The following FSTL4 variants were observed in gnomAD, a reference collection of about 807,000 sequenced individuals.
The protein encoded by FSTL4 is follistatin-related protein 4.
Under a neutral mutation model 78.2 loss-of-function variants are expected in FSTL4, and 28 were observed. The ratio of observed to expected loss-of-function variants is 0.36; its 90% CI spans 0.27 to 0.49. The LOEUF (loss-of-function observed/expected upper bound fraction) is 0.49, where lower values mean the gene tolerates loss of function less well. Ranked by LOEUF, FSTL4 falls within the 20% of genes least tolerant of loss-of-function variation. FSTL4 has a pLI of 0.98. For synonymous variants in FSTL4, 422 were observed against 440.5 expected (o/e 0.96, Z 0.53); for missense variants, 922 against 1,084.9 (o/e 0.85, Z 2.11).
At chr5:133,691,304 CT>C in the FSTL4 span, among the ~76,000 whole-genome samples, 2 of 152,322 alleles carry the variant, frequency 1.3e-5, no homozygotes, top group African/African-American at 4.8e-5. Flanking sequence ...GCCATATACT[CT>C]GTTGCAGCCT....
chr5:133,723,671 T>C, the FSTL4 span, among the ~76,000 whole-genome samples: 1 of 152,216 alleles, frequency 6.6e-6, no homozygotes. Context: ...GCCAAGGCTC[T>C]GATTCCCTGA....
chr5:133,623,266 A>C, the FSTL4 span, among the ~76,000 whole-genome samples: 3 of 152,120 alleles, frequency 2.0e-5, no homozygotes, highest in Admixed American at 2.0e-4. Flanking sequence ...CTTACTACAA[A>C]GCTGCAGAAA....
At chr5:133,243,238 A>AG (rs1357391026) in intron 7 of FSTL4, among the ~76,000 whole-genome samples, 1 of 152,180 alleles carries the variant, frequency 6.6e-6, no homozygotes, top group African/African-American at 2.4e-5. Flanking sequence ...GATTCAGTGA[A>AG]AAAAAAACCC....
the FSTL4 span, among the ~76,000 whole-genome samples, chr5:133,795,263 C>A: frequency 1.3e-5 from 2 of 152,160 alleles, no homozygotes; most frequent in Non-Finnish European, 1.5e-5. Context: ...AAACTCAGGC[C>A]GGCAAGGGGA....
chr5:133,414,002 C>T (rs2126981922), intron 3 of FSTL4, among the ~76,000 whole-genome samples: 1 of 152,192 alleles, frequency 6.6e-6, no homozygotes, highest in African/African-American at 2.4e-5. Context: ...TTGGTTCTTA[C>T]ATGGCATTCT....
rs571863140 is a variant in FSTL4, at chr5:133,440,638, G to A, written c.161-39652C>T. Among the ~76,000 whole-genome samples, 1 of 152,318 alleles carries A rather than the reference G, an allele frequency of 6.6e-6. No homozygotes were observed. The highest frequency in any genetic ancestry group is 1.5e-5 in the Non-Finnish European group (1 of 68,014). ...CACCTCCCTGGAGGCACAGGGTAGTGGCCTGAGTCATTCCACTGGCAGAAC... is the reference window on the plus strand; with the variant it reads ...CACCTCCCTGGAGGCACAGGGTAGTAGCCTGAGTCATTCCACTGGCAGAAC... On this transcript the variant is annotated intron_variant, in intron 3 of 15. Coordinates refer to ENST00000265342, the MANE Select transcript of FSTL4 (RefSeq NM_015082.2). This position sits in a 1 kb window ranked among gnomAD's most constrained non-coding sequence, Gnocchi z 4.1.
intron 3 of FSTL4, among the ~76,000 whole-genome samples, chr5:133,430,309 C>A (rs944096666): frequency 2.0e-5 from 3 of 152,168 alleles, no homozygotes; most frequent in Non-Finnish European, 2.9e-5. Context: ...TTGAGTGGCC[C>A]TGTGGGGTAG....
the FSTL4 span, among the ~76,000 whole-genome samples, chr5:133,810,605 A>T: frequency 1.3e-5 from 2 of 152,188 alleles, no homozygotes; most frequent in Non-Finnish European, 2.9e-5. Context: ...CCCAAGTGGG[A>T]ATTCTGGCCC....
chr5:133,221,913 T>TTTTTGTTG lies in FSTL4; in HGVS notation c.1340-1048_1340-1047insCAACAAAA, dbSNP rs1554097226. Among the ~76,000 whole-genome samples, 63 of 97,838 alleles carry TTTTTGTTG rather than the reference T, an allele frequency of 6.4e-4. 1 individual carries two copies. The highest frequency in any genetic ancestry group is 1.0e-3 in the Admixed American group (9 of 8,862). 64.2% of individuals were successfully genotyped at this position (97,838 alleles called of 152,430 possible). A position where few individuals can be genotyped will look rare whatever the true frequency, so the allele number is the denominator to read the frequency against. On this transcript the variant is annotated intron_variant, in intron 11 of 15. Transcript: ENST00000265342. ...CTAGTTTTTTTTTTTTTTTTTTTTTTTTTTTTTTTTTTTTAGCATGCTGAG... is the reference window on the plus strand; with the variant it reads ...CTAGTTTTTTTTTTTTTTTTTTTTTTTTTTGTTGTTTTTTTTTTTTTTAGCATGCTGAG...
chr5:133,330,074 G>A (rs899893227), intron 4 of FSTL4, among the ~76,000 whole-genome samples: 2 of 152,078 alleles, frequency 1.3e-5, no homozygotes, highest in East Asian at 1.9e-4. Context: ...CATAACAGAC[G>A]TGTAACAGGT....
chr5:133,422,442 G>C (rs1756718046), intron 3 of FSTL4, among the ~76,000 whole-genome samples: 1 of 152,082 alleles, frequency 6.6e-6, no homozygotes, highest in Non-Finnish European at 1.5e-5. Flanking sequence ...GTGGAGGGTA[G>C]TGTGAGTGAA....
chr5:133,528,794 C>T (rs1759189360), intron 3 of FSTL4, among the ~76,000 whole-genome samples: 2 of 152,242 alleles, frequency 1.3e-5, no homozygotes, highest in South Asian at 4.1e-4. Context: ...TGTAAGTCAG[C>T]ATGGCAGGGA....
chr5:133,470,434 G>T (rs1255530189), intron 3 of FSTL4, among the ~76,000 whole-genome samples: 3 of 152,208 alleles, frequency 2.0e-5, no homozygotes, highest in Non-Finnish European at 4.4e-5. Context: ...GCAAGAAAGT[G>T]TGCTTGAAAA....
the FSTL4 span, among the ~76,000 whole-genome samples, chr5:133,634,887 G>T: frequency 6.6e-6 from 1 of 152,050 alleles, no homozygotes; most frequent in African/African-American, 2.4e-5. Context: ...TTTCCCCCAG[G>T]ATTCAGACAC....
intron 3 of FSTL4, among the ~76,000 whole-genome samples, chr5:133,523,876 A>C (rs1424888717): frequency 6.6e-6 from 1 of 152,278 alleles, no homozygotes; most frequent in Non-Finnish European, 1.5e-5. Context: ...CCGACATCCT[A>C]GTCCACTGTA....
chr5:133,565,209 T>C (rs1247817956), intron 3 of FSTL4, among the ~76,000 whole-genome samples: 1 of 152,230 alleles, frequency 6.6e-6, no homozygotes, highest in African/African-American at 2.4e-5. Flanking sequence ...CAGGTGTTCA[T>C]TGCTAGACAA....
chr5:133,212,641 C>CT lies in FSTL4; in HGVS notation c.1609-2344dup, dbSNP rs563410421. ...CAATGGAAAGAATGGAAAGTCCTAA[C>CT]TTTTTTTTTTAAACAGAGTTCCCAA... On this transcript the variant is annotated intron_variant, in intron 13 of 15. Coordinates refer to ENST00000265342, the MANE Select transcript of FSTL4 (RefSeq NM_015082.2). 9.3e-3 allele frequency among the ~76,000 whole-genome samples: 1,389 copies of CT among 149,914 alleles called. 5 individuals are homozygous for CT. The highest frequency in any genetic ancestry group is 0.018 in the African/African-American group (735 of 40,946).
chr5:133,283,239 C>CGTGTGTGT (rs112657706), intron 6 of FSTL4, among the ~76,000 whole-genome samples: 1 of 148,698 alleles, frequency 6.7e-6, no homozygotes, highest in African/African-American at 2.5e-5. Flanking sequence ...TTAAGCCTAG[C>CGTGTGTGT]GTGTGTGTGT....
the FSTL4 span, among the ~76,000 whole-genome samples, chr5:133,643,512 C>T: frequency 5.3e-5 from 8 of 152,092 alleles, no homozygotes; most frequent in East Asian, 1.9e-4. Context: ...TGGTTGGGTG[C>T]CTGCCACGCC....
Sources: allele counts gnomAD v4.1 joint callset (sites outside exome capture counted in the v4.1 genomes callset), GRCh38; gene constraint gnomAD v4.1.1; non-coding constraint Gnocchi (gnomAD v3.1); transcripts MANE v1.5; gene names NCBI Gene and HGNC (gene_info 2026-07-23, HGNC 2026-07-21).